The following ADGRB3 variants were observed in gnomAD, a reference collection of about 807,000 sequenced individuals.
ADGRB3 encodes the protein adhesion G protein-coupled receptor B3, also known as brain-specific angiogenesis inhibitor 3.
A neutral mutation model predicts 193.4 loss-of-function variants in ADGRB3; 37 were observed. The observed-to-expected ratio is 0.19, with a 90% confidence interval of 0.15 to 0.25. The LOEUF (loss-of-function observed/expected upper bound fraction) is 0.25. Among genes scored for constraint, ADGRB3 ranks in the 10% least tolerant of loss-of-function variants. The probability of loss-of-function intolerance (pLI) is 1.00; values close to 1 mark genes in which losing one functional copy is unlikely to be tolerated. For missense variants in ADGRB3, 1,637 were observed against 1,852.9 expected (o/e 0.88, Z 2.14); for synonymous variants, 690 against 644.2 (o/e 1.07, Z -1.08).
chr6:69,095,656 T>C (rs189560344), intron 17 of ADGRB3, among the ~76,000 whole-genome samples: 4 of 152,354 alleles, frequency 2.6e-5, no homozygotes, highest in Non-Finnish European at 5.9e-5. Context: ...GGGATATTTT[T>C]ACATTGTATT....
intron 3 of ADGRB3, among the ~76,000 whole-genome samples, chr6:68,927,083 A>G (rs1767202426): frequency 6.6e-6 from 1 of 152,144 alleles, no homozygotes; most frequent in Admixed American, 6.6e-5. Flanking sequence ...GAACATAGTT[A>G]TTTACCCACC....
chr6:69,276,940 C>G (rs1767314864), intron 20 of ADGRB3, among the ~76,000 whole-genome samples: 1 of 151,740 alleles, frequency 6.6e-6, no homozygotes, highest in African/African-American at 2.4e-5. Flanking sequence ...AACCATACCT[C>G]CATAAAATGG....
chr6:69,361,642 G>T (rs960182650), intron 29 of ADGRB3, 130 bp downstream of exon 29: 13 of 1,153,514 alleles, frequency 1.1e-5, no homozygotes, highest in African/African-American at 1.6e-5. Flanking sequence ...ATTAGCTTTT[G>T]CAGTTTTGTA....
chr6:69,045,776 T>C (rs1454448946), intron 13 of ADGRB3, among the ~76,000 whole-genome samples: 16 of 152,130 alleles, frequency 1.1e-4, no homozygotes, highest in Non-Finnish European at 2.4e-4. Flanking sequence ...CTCCATTACA[T>C]TCCTACTGTA....
chr6:69,040,368 T>TCTTTCTTTCTTTCTTTC (rs1491581527), intron 13 of ADGRB3, among the ~76,000 whole-genome samples: 2 of 52,742 alleles, frequency 3.8e-5, no homozygotes, highest in African/African-American at 1.1e-4. Context: ...TTTCTTTCTT[T>TCTTTCTTTCTTTCTTTC]CTTTCTTTCC....
intron 3 of ADGRB3, among the ~76,000 whole-genome samples, chr6:68,821,370 C>G (rs1419461227): frequency 1.3e-5 from 2 of 151,850 alleles, no homozygotes; most frequent in Non-Finnish European, 2.9e-5. Context: ...ACTTTTTCTT[C>G]TATCCTTGCA....
At chr6:69,231,960 GA>G (rs1368103405) in intron 17 of ADGRB3, among the ~76,000 whole-genome samples, 1 of 152,148 alleles carries the variant, frequency 6.6e-6, no homozygotes, top group Admixed American at 6.5e-5. Context: ...CTGTCACAAA[GA>G]AACCTGTCTC....
At chr6:69,111,315 C>A (rs1322056253) in intron 17 of ADGRB3, among the ~76,000 whole-genome samples, 7 of 152,204 alleles carry the variant, frequency 4.6e-5, no homozygotes, top group Admixed American at 2.6e-4. Context: ...GTGAACAAAA[C>A]TGAATCATGC....
At chr6:68,787,120 C>G (rs1316419058) in intron 3 of ADGRB3, among the ~76,000 whole-genome samples, 2 of 152,188 alleles carry the variant, frequency 1.3e-5, no homozygotes, top group African/African-American at 4.8e-5. Context: ...TTGACTTCCT[C>G]TTTTCCTAAT....
chr6:68,963,466 C>T (rs539833199), intron 8 of ADGRB3, among the ~76,000 whole-genome samples: 120 of 152,268 alleles, frequency 7.9e-4, no homozygotes, highest in Non-Finnish European at 1.3e-3. Flanking sequence ...CAAATTTCAT[C>T]CTACTGGGAT....
chr6:68,649,525 T>A (rs563372170), intron 3 of ADGRB3, among the ~76,000 whole-genome samples: 75 of 152,256 alleles, frequency 4.9e-4, no homozygotes, highest in African/African-American at 1.7e-3. Flanking sequence ...TTTGTACTAT[T>A]TTGTATACAT....
At chr6:68,868,863 T>C (rs973317843) in intron 3 of ADGRB3, among the ~76,000 whole-genome samples, 2 of 151,630 alleles carry the variant, frequency 1.3e-5, no homozygotes, top group African/African-American at 4.8e-5. Context: ...AACCAAAAAG[T>C]ATTTAACATG....
intron 3 of ADGRB3, among the ~76,000 whole-genome samples, chr6:68,790,260 G>A (rs1171323801): frequency 6.8e-6 from 1 of 146,328 alleles, no homozygotes; most frequent in Non-Finnish European, 1.5e-5. Context: ...AGGGAGGCTG[G>A]GGGAGGGGTG....
At chr6:68,995,653 C>A (rs1019949849) in intron 11 of ADGRB3, among the ~76,000 whole-genome samples, 8 of 152,296 alleles carry the variant, frequency 5.3e-5, no homozygotes, top group Middle Eastern at 3.4e-3. Flanking sequence ...GAAGTATACA[C>A]AAAGTCCTAA....
chr6:68,817,248 T>C (rs1205363497), intron 3 of ADGRB3, among the ~76,000 whole-genome samples: 1 of 144,604 alleles, frequency 6.9e-6, no homozygotes, highest in African/African-American at 2.5e-5. Flanking sequence ...CAAGGGCCTG[T>C]TTTATCAATT....
At chr6:68,917,594 G>T (rs1766919736) in intron 3 of ADGRB3, among the ~76,000 whole-genome samples, 1 of 152,050 alleles carries the variant, frequency 6.6e-6, no homozygotes, top group Non-Finnish European at 1.5e-5. Context: ...ATTGAAGTTT[G>T]ATTGTTTGGA....
chr6:68,851,746 T>C (rs546606581), intron 3 of ADGRB3, among the ~76,000 whole-genome samples: 1 of 152,060 alleles, frequency 6.6e-6, no homozygotes, highest in Admixed American at 6.6e-5. Context: ...TCTTTAGTGA[T>C]AGAAAGTTTA....
chr6:68,793,115 G>C (rs1767141874), intron 3 of ADGRB3, among the ~76,000 whole-genome samples: 1 of 151,992 alleles, frequency 6.6e-6, no homozygotes, highest in African/African-American at 2.4e-5. Flanking sequence ...GATAAACCTA[G>C]GGCAAGACAT....
chr6:69,191,262 T>A (rs568274757), intron 17 of ADGRB3, among the ~76,000 whole-genome samples: 1 of 152,268 alleles, frequency 6.6e-6, no homozygotes, highest in African/African-American at 2.4e-5. Flanking sequence ...TGCTTCTACT[T>A]GTAATCAATA....
Sources: allele counts gnomAD v4.1 joint callset (sites outside exome capture counted in the v4.1 genomes callset), GRCh38; gene constraint gnomAD v4.1.1; transcripts MANE v1.5; gene names NCBI Gene and HGNC (gene_info 2026-07-23, HGNC 2026-07-21).